Variants in CHRM3 observed in about 807,000 individuals in gnomAD.
CHRM3 encodes cholinergic receptor muscarinic 3, also known as muscarinic acetylcholine receptor M3.
A neutral mutation model predicts 41.8 loss-of-function variants in CHRM3; 11 were observed. The observed-to-expected ratio is 0.26, with a 90% CI of 0.17 to 0.44. CHRM3 has a LOEUF of 0.44. Among genes scored for constraint, CHRM3 ranks in the 20% least tolerant of loss-of-function variants. The pLI is 1.00. For synonymous variants in CHRM3, 297 were observed against 301.4 expected (o/e 0.99, Z 0.15); for missense variants, 571 against 745.4 (o/e 0.77, Z 2.72).
At position 239,814,035 on chromosome 1, in the gene CHRM3, A is replaced by AAAAT. The variant is rs577005652; in HGVS notation, c.-146-13199_-146-13196dup. Among the ~76,000 whole-genome samples the AAAAT allele has an allele frequency of 6.2e-4, 88 of 140,870 alleles. 1 individual carries two copies. In the South Asian group the frequency reaches 0.01, roughly 16 times the overall value. 92.4% of individuals were successfully genotyped at this position (140,870 alleles called of 152,430 possible). Reference sequence around the variant, plus strand: ...TGAAAGTCATTACTCGCTTTAAGGAAAAATAAATAAATAAATAAATACATA... The same window carrying AAAAT: ...TGAAAGTCATTACTCGCTTTAAGGAAAAATAAATAAATAAATAAATAAATACATA... On this transcript the variant is annotated intron_variant, in intron 5 of 6. Transcript: ENST00000676153.
chr1:239,865,936 A>C (rs1181084109), intron 6 of CHRM3, among the ~76,000 whole-genome samples: 2 of 152,164 alleles, frequency 1.3e-5, no homozygotes, highest in African/African-American at 4.8e-5. Flanking sequence ...GGGTGCAGGC[A>C]GGGAAAGAGC....
intron 3 of CHRM3, among the ~76,000 whole-genome samples, chr1:239,612,789 G>A (rs16838569): frequency 0.056 from 8,513 of 152,156 alleles, 265 homozygotes; most frequent in Middle Eastern, 0.11. Context: ...AAACAGCTGC[G>A]TAGAACTGCG....
intron 1 of CHRM3, among the ~76,000 whole-genome samples, chr1:239,389,878 C>T (rs765706043): frequency 3.9e-5 from 6 of 152,004 alleles, no homozygotes; most frequent in Non-Finnish European, 5.9e-5. Context: ...TTTGCAGTGC[C>T]GGGAAGTTTA....
chr1:239,767,740 G>A (rs970615064), intron 5 of CHRM3, among the ~76,000 whole-genome samples: 2 of 152,250 alleles, frequency 1.3e-5, no homozygotes, highest in African/African-American at 4.8e-5. Flanking sequence ...GCAAGATACC[G>A]ATTTTCTTGC....
intron 3 of CHRM3, among the ~76,000 whole-genome samples, chr1:239,606,982 C>A (rs1348336481): frequency 2.0e-5 from 3 of 152,140 alleles, no homozygotes; most frequent in Admixed American, 6.5e-5. Context: ...CTTACTCTTA[C>A]CCCTGTGGCC....
chr1:239,509,425 G>A (rs570541254), intron 2 of CHRM3, among the ~76,000 whole-genome samples: 62 of 152,118 alleles, frequency 4.1e-4, no homozygotes, highest in Non-Finnish European at 7.6e-4. Context: ...CTATCCAATG[G>A]CATCCATGCA....
chr1:239,879,358 C>T (rs1044969564), intron 6 of CHRM3, among the ~76,000 whole-genome samples: 2 of 152,198 alleles, frequency 1.3e-5, no homozygotes, highest in East Asian at 1.9e-4. Context: ...CGAAGCACCA[C>T]CTGAAACAGC....
intron 1 of CHRM3, among the ~76,000 whole-genome samples, chr1:239,454,404 T>C (rs966183109): frequency 2.6e-5 from 4 of 151,568 alleles, no homozygotes; most frequent in Non-Finnish European, 5.9e-5. Flanking sequence ...GGGTGAGGAG[T>C]TTCCAGGCCC....
chr1:239,444,749 A>T (rs2354398), intron 1 of CHRM3, among the ~76,000 whole-genome samples: 14,181 of 152,166 alleles, frequency 0.093, 763 homozygotes, highest in African/African-American at 0.15. Context: ...AATATACGAG[A>T]TGAAGACAAA....
Position 239,579,121 on chromosome 1 carries a change from T to G in CHRM3, c.-313+33372T>G, listed in dbSNP as rs150743898. Among the ~76,000 whole-genome samples the G allele has an allele frequency of 5.2e-3, 797 of 152,334 alleles. 1 individual carries two copies. The highest frequency in any genetic ancestry group is 8.3e-3 in the Non-Finnish European group (564 of 68,026). The stretch of plus-strand genomic sequence containing the variant: ...TACTAAATATTCGTTGAGTGAATGA[T>G]GAAGTGAGTGAATGAAAGATGTCAT... On this transcript the variant is annotated intron_variant, in intron 3 of 6. Transcript: ENST00000676153.
intron 1 of CHRM3, among the ~76,000 whole-genome samples, chr1:239,401,690 A>G (rs973035717): frequency 3.3e-5 from 5 of 151,946 alleles, no homozygotes; most frequent in African/African-American, 9.7e-5. Context: ...TCGGGGTTTC[A>G]CCATGTTGGC....
In CHRM3 at chr1:239,771,911, A is replaced by T. The variant is rs148770030; in HGVS notation, c.-146-55341A>T. Among the ~76,000 whole-genome samples, 829 of 152,362 alleles carry T rather than the reference A, an allele frequency of 5.4e-3. 29 individuals carry two copies. The South Asian group carries it at 0.095, about 17-fold the overall frequency. ...TCCACAGTATATTCTTAGGTCAAACAGTAAACTACAAAAATATCCTCTATT... is the reference window on the plus strand; with the variant it reads ...TCCACAGTATATTCTTAGGTCAAACTGTAAACTACAAAAATATCCTCTATT... On this transcript the variant is annotated intron_variant, in intron 5 of 6. Transcript: ENST00000676153.
At chr1:239,412,528 A>G (rs1661181367) in intron 1 of CHRM3, among the ~76,000 whole-genome samples, 1 of 149,980 alleles carries the variant, frequency 6.7e-6, no homozygotes. Context: ...TTGTGGAGTA[A>G]GAACAATTGT....
intron 5 of CHRM3, among the ~76,000 whole-genome samples, chr1:239,799,838 A>G (rs561314056): frequency 9.2e-5 from 14 of 152,320 alleles, no homozygotes; most frequent in Admixed American, 2.0e-4. Flanking sequence ...CAATGAACCC[A>G]TGAATTATGA....
rs1180207221 is a variant in CHRM3, at chr1:239,908,007, G to A, written c.556G>A (p.Gly186Ser). 1.9e-6 allele frequency: 3 copies of A among 1,614,154 alleles called. No individual in the cohort carries two copies. The highest frequency in any genetic ancestry group is 4.5e-5 in the East Asian group (2 of 44,874). Residue 186 changes from glycine to serine, a missense_variant, in exon 7 of 7, where the codon GGT (glycine) becomes AGT (serine). Gly to Ser is a moderately conservative substitution (Grantham distance 56). Transcript: ENST00000676153. The surrounding 1 kb of genome is among the most constrained non-coding windows in gnomAD (Gnocchi z 7.2). ...AGCCAAACGAACAACAAAGAGAGCC[G>A]GTGTGATGATCGGTCTGGCTTGGGT... ...YRAKRTTKRA[G>S]VMIGLAWVIS...
chr1:239,537,515 T>C (rs1260863953), intron 2 of CHRM3, among the ~76,000 whole-genome samples: 1 of 152,094 alleles, frequency 6.6e-6, no homozygotes, highest in Non-Finnish European at 1.5e-5. Flanking sequence ...AGGCCCCACC[T>C]GCAACGCTGG....
chr1:239,573,658 G>A (rs1274162857), intron 3 of CHRM3, among the ~76,000 whole-genome samples: 1 of 151,918 alleles, frequency 6.6e-6, no homozygotes, highest in Non-Finnish European at 1.5e-5. Flanking sequence ...AGTTCTGCCT[G>A]CTAATAGGTA....
At chr1:239,552,335 A>G (rs1245534315) in intron 3 of CHRM3, among the ~76,000 whole-genome samples, 1 of 148,126 alleles carries the variant, frequency 6.8e-6, no homozygotes, top group Non-Finnish European at 1.5e-5. Context: ...TATAGATGAT[A>G]TGTATCATAT....
intron 3 of CHRM3, among the ~76,000 whole-genome samples, chr1:239,552,226 AGAT>A (rs1206891158): frequency 1.5e-5 from 1 of 66,064 alleles, no homozygotes; most frequent in Non-Finnish European, 4.2e-5. Context: ...ATATATGTAT[AGAT>A]GATATGTATC....
Sources: allele counts gnomAD v4.1 joint callset (sites outside exome capture counted in the v4.1 genomes callset), GRCh38; gene constraint gnomAD v4.1.1; non-coding constraint Gnocchi (gnomAD v3.1); transcripts MANE v1.5; gene names NCBI Gene and HGNC (gene_info 2026-07-23, HGNC 2026-07-21).